TRIM71: variants seen among roughly 807,000 people sequenced by gnomAD.
TRIM71 encodes the protein E3 ubiquitin-protein ligase TRIM71.
In TRIM71, 9 loss-of-function variants were observed where a neutral mutation model predicts 61.2. The observed-to-expected ratio is 0.15, with a 90% CI of 0.09 to 0.26. The LOEUF is 0.26. Ranked by LOEUF, TRIM71 falls within the 10% of genes least tolerant of loss-of-function variation. The pLI is 1.00. For missense variants in TRIM71, 998 were observed against 1,238.7 expected, an observed-to-expected ratio of 0.81 and a Z score of 2.92; for synonymous variants, 645 against 553.2, an observed-to-expected ratio of 1.17 and a Z score of -2.33.
chr3:32,839,728 G>T (rs1340364031), intron 1 of TRIM71, among the ~76,000 whole-genome samples: 3 of 151,838 alleles, frequency 2.0e-5, no homozygotes, highest in Admixed American at 6.6e-5. Flanking sequence ...TTCAGAATTG[G>T]TTTCTCATGT....
intron 2 of TRIM71, among the ~76,000 whole-genome samples, chr3:32,875,852 A>G (rs1215560264): frequency 1.3e-5 from 2 of 152,144 alleles, no homozygotes; most frequent in African/African-American, 4.8e-5. Context: ...ATCCGTTTTG[A>G]AAGTGCTAAA....
intron 1 of TRIM71, among the ~76,000 whole-genome samples, chr3:32,821,892 C>T (rs1201426978): frequency 6.6e-6 from 1 of 152,044 alleles, no homozygotes; most frequent in Non-Finnish European, 1.5e-5. Flanking sequence ...TGCTCTTCTC[C>T]CCGCAGGCAC....
chr3:32,844,315 G>A (rs965303439), intron 1 of TRIM71, among the ~76,000 whole-genome samples: 1 of 152,186 alleles, frequency 6.6e-6, no homozygotes, highest in Non-Finnish European at 1.5e-5. Flanking sequence ...AGGAAGAGGG[G>A]ATTTTAGGTC....
chr3:32,855,084 C>T (rs1488775084), intron 1 of TRIM71, among the ~76,000 whole-genome samples: 3 of 152,100 alleles, frequency 2.0e-5, no homozygotes, highest in Non-Finnish European at 4.4e-5. Context: ...TTATAAATTA[C>T]ATTTTATCAT....
chr3:32,857,219 A>G (rs564510146), intron 1 of TRIM71, among the ~76,000 whole-genome samples: 127 of 152,312 alleles, frequency 8.3e-4, no homozygotes, highest in Middle Eastern at 3.4e-3. Context: ...CAGGAATAGC[A>G]TGCTTCTTTG....
intron 3 of TRIM71, among the ~76,000 whole-genome samples, chr3:32,886,551 T>C (rs1696963749): frequency 6.6e-6 from 1 of 152,026 alleles, no homozygotes; most frequent in Non-Finnish European, 1.5e-5. Flanking sequence ...TAGATAAAAA[T>C]CAGCTAGAAA....
chr3:32,827,550 C>T (rs987975740), intron 1 of TRIM71, among the ~76,000 whole-genome samples: 2 of 152,090 alleles, frequency 1.3e-5, no homozygotes, highest in Non-Finnish European at 2.9e-5. Flanking sequence ...CGTGAGCCAC[C>T]GCGCCTTGCA....
At chr3:32,876,667 A>G (rs183031152) in intron 2 of TRIM71, among the ~76,000 whole-genome samples, 78 of 152,164 alleles carry the variant, frequency 5.1e-4, no homozygotes, top group African/African-American at 1.8e-3. Flanking sequence ...TTAACCTCTT[A>G]CTCTCTTAAG....
chr3:32,824,058 G>GAT (rs397713933), intron 1 of TRIM71, among the ~76,000 whole-genome samples: 1 of 151,180 alleles, frequency 6.6e-6, no homozygotes, highest in African/African-American at 2.4e-5. Flanking sequence ...CTGGGCAACA[G>GAT]TGAGACTTGT....
At chr3:32,881,082 G>A (rs937048995) in intron 2 of TRIM71, among the ~76,000 whole-genome samples, 6 of 152,014 alleles carry the variant, frequency 3.9e-5, no homozygotes, top group Admixed American at 1.3e-4. Flanking sequence ...TCAGTGCCAC[G>A]ATTTTGGCTC....
rs1697038638 is a variant in TRIM71 at position 32,892,567 on chromosome 3, A to G, written c.*756A>G. The G allele has an allele frequency of 6.6e-6, 1 of 152,154 alleles. No homozygotes were observed. Among genetic ancestry groups the G allele is most frequent in the Non-Finnish European group, 1.5e-5 (1 of 68,032 alleles). The allele number at this position is 152,154 out of a possible 1,614,324, so 9.4% of individuals were successfully genotyped here. ...AGGGTATATAATCTTTGTTTCTTTT[A>G]AGGGAGGGTGTGTGCATGTTTGTTT... On this transcript the variant is annotated 3_prime_UTR_variant, in exon 4 of 4. Coordinates refer to ENST00000383763, the MANE Select transcript of TRIM71 (RefSeq NM_001039111.3).
intron 1 of TRIM71, among the ~76,000 whole-genome samples, chr3:32,832,413 C>A (rs111487005): frequency 0.02 from 3,043 of 152,248 alleles, 66 homozygotes; most frequent in East Asian, 0.1. Context: ...GGCTGCAGTG[C>A]GCTATGATCA....
rs181302369 is a variant in TRIM71 at position 32,887,830 on chromosome 3, T to C, written c.1155+1762T>C. 2.0e-5 allele frequency among the ~76,000 whole-genome samples: 3 copies of C among 152,258 alleles called. No homozygotes were observed. The East Asian group carries it at 5.8e-4, about 29-fold the overall frequency. ...CATGTATCCTGGTTCACTGAACAGATGAAAAAGCAGGAATGAGTCGAAATC... is the reference window on the plus strand; with the variant it reads ...CATGTATCCTGGTTCACTGAACAGACGAAAAAGCAGGAATGAGTCGAAATC... On this transcript the variant is annotated intron_variant, in intron 3 of 3. Coordinates refer to ENST00000383763, the MANE Select transcript of TRIM71 (RefSeq NM_001039111.3).
intron 1 of TRIM71, among the ~76,000 whole-genome samples, chr3:32,866,426 G>A (rs1351783552): frequency 2.0e-5 from 3 of 151,352 alleles, no homozygotes; most frequent in African/African-American, 7.3e-5. Flanking sequence ...TTTTAGTAGA[G>A]GCAGGGTTTC....
At chr3:32,843,993 A>G (rs943888930) in intron 1 of TRIM71, among the ~76,000 whole-genome samples, 1 of 152,180 alleles carries the variant, frequency 6.6e-6, no homozygotes, top group Non-Finnish European at 1.5e-5. Context: ...TTTAATGTGA[A>G]CTATAGAGAA....
chr3:32,851,060 C>T (rs1029356998), intron 1 of TRIM71, among the ~76,000 whole-genome samples: 1 of 152,174 alleles, frequency 6.6e-6, no homozygotes, highest in Non-Finnish European at 1.5e-5. Context: ...TTCTGTCAAG[C>T]TTTTTAGAAA....
intron 1 of TRIM71, among the ~76,000 whole-genome samples, chr3:32,860,016 C>T (rs1696648325): frequency 6.6e-6 from 1 of 152,124 alleles, no homozygotes; most frequent in South Asian, 2.1e-4. Flanking sequence ...CCAGTTTCTT[C>T]TGGTTTGCCT....
chr3:32,837,119 TCA>T (rs1696343910), intron 1 of TRIM71, among the ~76,000 whole-genome samples: 1 of 152,226 alleles, frequency 6.6e-6, no homozygotes, highest in African/African-American at 2.4e-5. Flanking sequence ...CTTGCCAGTT[TCA>T]CTCCCCAAAT....
chr3:32,859,756 G>A (rs1002614698), intron 1 of TRIM71, among the ~76,000 whole-genome samples: 13 of 152,220 alleles, frequency 8.5e-5, no homozygotes, highest in African/African-American at 3.1e-4. Context: ...CTGCTGTAAT[G>A]ACTGCTTCTT....
Sources: gnomAD v4.1 joint callset for allele counts (sites outside exome capture counted in the v4.1 genomes callset) on GRCh38, gnomAD v4.1.1 for gene constraint, MANE v1.5 for transcripts, NCBI Gene and HGNC (gene_info 2026-07-23, HGNC 2026-07-21) for gene names.